Variants in PIAS1 observed in about 807,000 individuals in gnomAD.
PIAS1 encodes the protein protein inhibitor of activated STAT 1, also known as E3 SUMO-protein ligase PIAS1.
A neutral mutation model predicts 71.3 loss-of-function variants in PIAS1; 6 were observed. That is an observed-to-expected ratio of 0.08 (90% CI 0.05 to 0.17). PIAS1 has a LOEUF of 0.17. PIAS1 is among the 10% of genes least tolerant of loss of function. The probability of loss-of-function intolerance (pLI) is 1.00; values close to 1 mark genes in which losing one functional copy is unlikely to be tolerated. For synonymous variants in PIAS1, 303 were observed against 292.9 expected (o/e 1.03, Z -0.35); for missense variants, 555 against 793.6 (o/e 0.70, Z 3.61).
At chr15:68,095,728 A>G (rs2092369273) in intron 2 of PIAS1, among the ~76,000 whole-genome samples, 1 of 151,954 alleles carries the variant, frequency 6.6e-6, no homozygotes, top group African/African-American at 2.4e-5. Context: ...ACAGGGTTTC[A>G]TCATGTTGCC....
intron 7 of PIAS1, among the ~76,000 whole-genome samples, chr15:68,163,660 G>A (rs1261583594): frequency 1.3e-5 from 2 of 152,152 alleles, no homozygotes; most frequent in East Asian, 1.9e-4. Context: ...CTCATAAATG[G>A]TTATCAGAAC....
At chr15:68,144,540 G>T (rs79594081) in intron 4 of PIAS1, among the ~76,000 whole-genome samples, 3,291 of 152,078 alleles carry the variant, frequency 0.022, 118 homozygotes, top group African/African-American at 0.075. Context: ...ATAGGAAAGG[G>T]TTCAGGCAGC....
intron 8 of PIAS1, among the ~76,000 whole-genome samples, chr15:68,166,254 T>C (rs2141080193): frequency 6.6e-6 from 1 of 152,150 alleles, no homozygotes; most frequent in African/African-American, 2.4e-5. Flanking sequence ...TATATTAGTG[T>C]TAAAAATTCT....
chr15:68,145,059 A>C (rs576464785), intron 4 of PIAS1, among the ~76,000 whole-genome samples: 60 of 152,298 alleles, frequency 3.9e-4, no homozygotes, highest in African/African-American at 1.3e-3. Flanking sequence ...ATAGGTACTA[A>C]TAAAGAATAA....
At chr15:68,084,608 C>T (rs1281499065) in intron 1 of PIAS1, among the ~76,000 whole-genome samples, 3 of 152,122 alleles carry the variant, frequency 2.0e-5, no homozygotes, top group Admixed American at 6.6e-5. Context: ...GATAAGTTAT[C>T]GCTGTAGATG....
chr15:68,110,082 G>A (rs934567755), intron 2 of PIAS1, among the ~76,000 whole-genome samples: 3 of 152,166 alleles, frequency 2.0e-5, no homozygotes, highest in Non-Finnish European at 4.4e-5. Flanking sequence ...CTTTGAACAT[G>A]AAACCGTTTT....
chr15:68,085,513 G>A (rs1218828022), intron 1 of PIAS1, among the ~76,000 whole-genome samples: 1 of 152,202 alleles, frequency 6.6e-6, no homozygotes, highest in African/African-American at 2.4e-5. Flanking sequence ...AGTTAAGTGA[G>A]AGTCAGTAAT....
chr15:68,169,058 C>T (rs1013925616), intron 8 of PIAS1, among the ~76,000 whole-genome samples: 4 of 152,150 alleles, frequency 2.6e-5, no homozygotes, highest in African/African-American at 7.2e-5. Flanking sequence ...TTTTCATAAA[C>T]GATCAGAAGT....
At chr15:68,127,249 A>G (rs2092657619) in intron 2 of PIAS1, among the ~76,000 whole-genome samples, 5 of 152,094 alleles carry the variant, frequency 3.3e-5, no homozygotes, top group Admixed American at 3.3e-4. Context: ...ATGTGACATC[A>G]AGCTTTATAG....
At chr15:68,141,109 A>G (rs1023011221) in intron 2 of PIAS1, among the ~76,000 whole-genome samples, 13 of 152,140 alleles carry the variant, frequency 8.5e-5, no homozygotes, top group Non-Finnish European at 1.8e-4. Context: ...AGGGTGAGGC[A>G]GGAGGATCAC....
chr15:68,177,614 T>C (rs186892385), intron 11 of PIAS1, among the ~76,000 whole-genome samples: 1 of 152,374 alleles, frequency 6.6e-6, no homozygotes, highest in African/African-American at 2.4e-5. Context: ...ATCTACTTTG[T>C]ATAAAACACC....
intron 7 of PIAS1, among the ~76,000 whole-genome samples, chr15:68,159,593 T>G (rs1310335149): frequency 6.6e-6 from 1 of 152,186 alleles, no homozygotes; most frequent in Non-Finnish European, 1.5e-5. Context: ...GTCTGGCTTC[T>G]TTCACTTAGT....
rs1319368760 is a variant in PIAS1 at position 68,171,943 on chromosome 15, ATACTT to A, written c.1009-1786_1009-1782del. On this transcript the variant is annotated intron_variant, in intron 8 of 13. Transcript: ENST00000249636. This position sits in a 1 kb window ranked among gnomAD's most constrained non-coding sequence, Gnocchi z 4.4. ...TTTATATGTTTTATATATATATAAA[ATACTT>A]TAAGTTCTATGGTACATGTGCACAA... Among the ~76,000 whole-genome samples, 4 of 151,852 alleles carry A rather than the reference ATACTT, an allele frequency of 2.6e-5. No individual in the cohort carries two copies. Among genetic ancestry groups the A allele is most frequent in the African/African-American group, 4.8e-5 (2 of 41,370 alleles).
At chr15:68,165,410 C>CG (rs1373979339) in intron 8 of PIAS1, among the ~76,000 whole-genome samples, 1 of 152,124 alleles carries the variant, frequency 6.6e-6, no homozygotes, top group Non-Finnish European at 1.5e-5. Context: ...TGTGACCCAC[C>CG]GCACCTGGCC....
chr15:68,150,262 GA>G (rs1278548731), intron 6 of PIAS1, among the ~76,000 whole-genome samples: 1 of 152,114 alleles, frequency 6.6e-6, no homozygotes, highest in Non-Finnish European at 1.5e-5. Context: ...AAATAGGAAA[GA>G]AGTCTGAAAC....
At chr15:68,100,368 A>G (rs2092412851) in intron 2 of PIAS1, among the ~76,000 whole-genome samples, 2 of 152,146 alleles carry the variant, frequency 1.3e-5, no homozygotes, top group South Asian at 4.1e-4. Flanking sequence ...AAGATACCTA[A>G]CTGTCCTGTC....
chr15:68,063,351 A>G lies in PIAS1; in HGVS notation c.24+9001A>G, dbSNP rs550572890. ...GCAAGTCTAATCTTAAAGATTGGAA[A>G]GATTTCAGAGTAAATATTTTTTCTC... is the stretch of plus-strand genomic sequence containing the variant. On this transcript the variant is annotated intron_variant, in intron 1 of 13. Coordinates refer to ENST00000249636, the MANE Select transcript of PIAS1 (RefSeq NM_016166.3). Among the ~76,000 whole-genome samples the G allele has an allele frequency of 3.3e-5, 5 of 152,344 alleles. No homozygotes were observed. The South Asian group carries it at 1.0e-3, about 32-fold the overall frequency.
intron 2 of PIAS1, among the ~76,000 whole-genome samples, chr15:68,132,123 C>T (rs1289150597): frequency 6.6e-6 from 1 of 151,600 alleles, no homozygotes; most frequent in Non-Finnish European, 1.5e-5. Flanking sequence ...AGAATTATTC[C>T]CAGTGGGGGC....
At chr15:68,111,921 A>G (rs1220646173) in intron 2 of PIAS1, among the ~76,000 whole-genome samples, 4 of 152,140 alleles carry the variant, frequency 2.6e-5, no homozygotes, top group South Asian at 4.1e-4. Flanking sequence ...ACCCTAGTCC[A>G]TACACTCTCC....
Sources: allele counts gnomAD v4.1 joint callset (sites outside exome capture counted in the v4.1 genomes callset), GRCh38; gene constraint gnomAD v4.1.1; non-coding constraint Gnocchi (gnomAD v3.1); transcripts MANE v1.5; gene names NCBI Gene and HGNC (gene_info 2026-07-23, HGNC 2026-07-21).